Variants in NEK6 observed in about 807,000 individuals in gnomAD.
NEK6 encodes the protein serine/threonine-protein kinase Nek6.
Under a neutral mutation model 43.5 loss-of-function variants are expected in NEK6, and 27 were observed. The observed-to-expected ratio is 0.62, with a 90% CI of 0.46 to 0.86. NEK6 has a LOEUF of 0.86. NEK6 is among the 40% of genes least tolerant of loss of function. The pLI is 0.00. For synonymous variants in NEK6, 167 were observed against 164.1 expected, an observed-to-expected ratio of 1.02 and a Z score of -0.14; for missense variants, 318 against 414.4, an observed-to-expected ratio of 0.77 and a Z score of 2.02.
rs7873926 is a variant in NEK6, at chr9:124,335,629, G to C, written c.623-3942G>C. ...GCCGCCACATAGCTCACAGGCAGGC[G>C]GACTCATTCATCCAGTGAGCGGACG... On this transcript the variant is annotated intron_variant, in intron 7 of 9. Coordinates refer to ENST00000320246, the MANE Select transcript of NEK6 (RefSeq NM_014397.6). 2.0e-4 allele frequency among the ~76,000 whole-genome samples: 30 copies of C among 152,298 alleles called. No individual in the cohort carries two copies. In the South Asian group the frequency reaches 5.4e-3, roughly 27 times the overall value.
upstream of NEK6, chr9:124,257,864 C>A (rs1830865904): frequency 2.9e-6 from 3 of 1,048,834 alleles, no homozygotes; most frequent in Non-Finnish European, 3.5e-6. Flanking sequence ...CTCAAGCTTG[C>A]GTGGCGGCAG....
chr9:124,272,948 A>T (rs1183374439), intron 1 of NEK6, among the ~76,000 whole-genome samples: 1 of 152,196 alleles, frequency 6.6e-6, no homozygotes, highest in Non-Finnish European at 1.5e-5. Context: ...AATTCTTGGC[A>T]GCAGAAAAAC....
chr9:124,272,841 G>T (rs1831502873), intron 1 of NEK6, among the ~76,000 whole-genome samples: 1 of 152,232 alleles, frequency 6.6e-6, no homozygotes, highest in Admixed American at 6.5e-5. Flanking sequence ...GAGGAGCACA[G>T]TGTGCCCACT....
chr9:124,334,238 G>T (rs1237094618), intron 7 of NEK6, among the ~76,000 whole-genome samples: 5 of 152,244 alleles, frequency 3.3e-5, no homozygotes, highest in African/African-American at 1.2e-4. Flanking sequence ...TGGCTGGATG[G>T]ATGGGTGATG....
At chr9:124,257,918 G>A (rs1321831722), upstream of NEK6, 3 of 969,014 alleles carry the variant, frequency 3.1e-6, no homozygotes, top group Non-Finnish European at 3.7e-6. Flanking sequence ...GGCGGGGAGG[G>A]GCGGGCGCGC....
chr9:124,325,922 G>A (rs1387414267), intron 5 of NEK6, among the ~76,000 whole-genome samples: 1 of 152,228 alleles, frequency 6.6e-6, no homozygotes, highest in Non-Finnish European at 1.5e-5. Flanking sequence ...GCCAGGCTGG[G>A]GCTGGGGACA....
chr9:124,336,610 T>C (rs1410262868), intron 7 of NEK6, among the ~76,000 whole-genome samples: 2 of 152,210 alleles, frequency 1.3e-5, no homozygotes, highest in African/African-American at 4.8e-5. Flanking sequence ...TTTGCCACGC[T>C]GGGACTCCAG....
intron 4 of NEK6, among the ~76,000 whole-genome samples, chr9:124,314,564 C>T (rs1279167820): frequency 6.6e-6 from 1 of 151,820 alleles, no homozygotes; most frequent in Non-Finnish European, 1.5e-5. Flanking sequence ...GATCATAGCT[C>T]ACTGCAGCCT....
intron 1 of NEK6, among the ~76,000 whole-genome samples, chr9:124,272,283 G>A (rs1831473587): frequency 6.6e-6 from 1 of 152,152 alleles, no homozygotes; most frequent in African/African-American, 2.4e-5. Flanking sequence ...TGTTTTCTTT[G>A]TTCATTCATT....
At chr9:124,289,393 T>C (rs1382159473) in intron 1 of NEK6, among the ~76,000 whole-genome samples, 1 of 152,108 alleles carries the variant, frequency 6.6e-6, no homozygotes, top group Non-Finnish European at 1.5e-5. Context: ...ATACACTGTC[T>C]GCCTTCCAGG....
At chr9:124,261,453 C>T in intron 1 of NEK6, 1 of 985,468 alleles carries the variant, frequency 1.0e-6, no homozygotes, top group Non-Finnish European at 1.2e-6. Flanking sequence ...TACGGGCAGG[C>T]ACTGCCAGGC....
chr9:124,260,153 G>A (rs1015701915), intron 1 of NEK6, among the ~76,000 whole-genome samples: 3 of 152,168 alleles, frequency 2.0e-5, no homozygotes, highest in Non-Finnish European at 4.4e-5. Flanking sequence ...AGAATCCGAA[G>A]TCACCTGCCC....
chr9:124,347,005 G>A (rs894441421), intron 8 of NEK6, among the ~76,000 whole-genome samples: 4 of 152,362 alleles, frequency 2.6e-5, no homozygotes, highest in East Asian at 3.9e-4. Context: ...GAGACACAGC[G>A]AGTGCAGAGC....
chr9:124,309,771 G>T (rs1261983041), intron 2 of NEK6, among the ~76,000 whole-genome samples: 3 of 152,222 alleles, frequency 2.0e-5, no homozygotes, highest in Non-Finnish European at 4.4e-5. Flanking sequence ...CTGTTTATGA[G>T]GGTATGTGAT....
intron 1 of NEK6, chr9:124,291,760 T>G (rs1832431641): frequency 2.1e-6 from 2 of 944,602 alleles, no homozygotes; most frequent in South Asian, 9.8e-5. Flanking sequence ...GAGCCTACAC[T>G]GGTCTAATCG....
At chr9:124,328,904 A>T (rs1354294013) in intron 7 of NEK6, among the ~76,000 whole-genome samples, 1 of 151,714 alleles carries the variant, frequency 6.6e-6, no homozygotes, top group Non-Finnish European at 1.5e-5. Context: ...GTAGGGACCC[A>T]CCCCCCAGGG....
At chr9:124,342,442 C>T (rs1378781253) in intron 8 of NEK6, among the ~76,000 whole-genome samples, 1 of 152,244 alleles carries the variant, frequency 6.6e-6, no homozygotes, top group Non-Finnish European at 1.5e-5. Flanking sequence ...CAGCCCCTCC[C>T]GGGTGGGCCT....
intron 1 of NEK6, among the ~76,000 whole-genome samples, chr9:124,267,680 A>G (rs1831280315): frequency 6.6e-6 from 1 of 152,242 alleles, no homozygotes; most frequent in South Asian, 2.1e-4. Flanking sequence ...TGAGCTGGCC[A>G]CTGGGACCCT....
At position 124,315,628 on chromosome 9, in the gene NEK6, C is replaced by T. The variant is rs185532728; in HGVS notation, c.294+1643C>T. ...ATCACCCATTGCCCCCTCCCCACCT[C>T]ATGTGCCCTTCTCCCCGAGTGAAGG... On this transcript the variant is annotated intron_variant, in intron 4 of 9. Transcript: ENST00000320246. Among the ~76,000 whole-genome samples, 18 of 152,360 alleles carry T rather than the reference C, an allele frequency of 1.2e-4. No individual in the cohort carries two copies. In the East Asian group the frequency reaches 3.3e-3, roughly 28 times the overall value.
Sources: allele counts gnomAD v4.1 joint callset (sites outside exome capture counted in the v4.1 genomes callset), GRCh38; gene constraint gnomAD v4.1.1; transcripts MANE v1.5; gene names NCBI Gene and HGNC (gene_info 2026-07-23, HGNC 2026-07-21).